The following AFF4 variants were observed in gnomAD, a reference collection of about 807,000 sequenced individuals.
AFF4 encodes the protein AF4/FMR2 family member 4.
A neutral mutation model predicts 124.8 loss-of-function variants in AFF4; 13 were observed. That is an observed-to-expected ratio of 0.10 (90% CI 0.07 to 0.17). The LOEUF is 0.17. Among genes scored for constraint, AFF4 ranks in the 10% least tolerant of loss-of-function variants. AFF4 has a pLI of 1.00. For synonymous variants in AFF4, 477 were observed against 496.1 expected (o/e 0.96, Z 0.51); for missense variants, 1,092 against 1,403.8 (o/e 0.78, Z 3.55).
intron 1 of AFF4, among the ~76,000 whole-genome samples, chr5:132,957,243 A>G (rs1336104881): frequency 6.6e-6 from 1 of 150,896 alleles, no homozygotes; most frequent in Non-Finnish European, 1.5e-5. Context: ...TGGAAGGCTG[A>G]GGCAGGAGGA....
At position 132,879,029 on chromosome 5, in the gene AFF4, GT is replaced by G. The variant is rs1348349520; in HGVS notation, c.*2029del. On this transcript the variant is annotated 3_prime_UTR_variant, in exon 21 of 21. Transcript: ENST00000265343. ...AAATAACTATCATGATCATTGAGAA[GT>G]TGTCCTCTTATGGAAAACTGTTCCT... The G allele has an allele frequency of 1.3e-5, 3 of 222,492 alleles. No individual in the cohort carries two copies. Among genetic ancestry groups the G allele is most frequent in the South Asian group, 1.8e-4 (1 of 5,458 alleles). 13.8% of individuals were successfully genotyped at this position (222,492 alleles called of 1,614,324 possible). A position where few individuals can be genotyped will look rare whatever the true frequency, so the allele number is the denominator to read the frequency against.
chr5:132,955,647 G>A lies in AFF4; in HGVS notation c.-5+7612C>T, dbSNP rs767588264. ...ACAAAAAGTAGCCGGGCGTGGTGGC[G>A]GGCGCCTGTAATCCCAGCTACTCAA... On this transcript the variant is annotated intron_variant, in intron 1 of 20. Transcript: ENST00000265343. Among the ~76,000 whole-genome samples, 26 of 151,294 alleles carry A rather than the reference G, an allele frequency of 1.7e-4. No individual in the cohort carries two copies. In the Middle Eastern group the frequency reaches 0.01, roughly 60 times the overall value.
chr5:132,919,210 A>G (rs769734740), intron 5 of AFF4, among the ~76,000 whole-genome samples: 5 of 152,184 alleles, frequency 3.3e-5, no homozygotes, highest in Non-Finnish European at 5.9e-5. Flanking sequence ...AAATGCAAAG[A>G]GCCTAGAAAA....
At chr5:132,921,126 CAAAAAA>C (rs57115662) in intron 5 of AFF4, among the ~76,000 whole-genome samples, 1 of 87,610 alleles carries the variant, frequency 1.1e-5, no homozygotes, top group African/African-American at 4.7e-5. Context: ...GACTCTGTCA[CAAAAAA>C]AAAAAAAAAA....
rs750786793 is a variant in AFF4, at chr5:132,881,014, C to T, written c.*45G>A. On this transcript the variant is annotated 3_prime_UTR_variant, in exon 21 of 21. Coordinates refer to ENST00000265343, the MANE Select transcript of AFF4 (RefSeq NM_014423.4). ...ATGGCAGTTTTCCTTCGTGATGTGA[C>T]ACAGTGTTGTGGAGAAAATCAGAGG... 4.9e-5 allele frequency: 78 copies of T among 1,594,510 alleles called. No homozygotes were observed. Among genetic ancestry groups the T allele is most frequent in the Non-Finnish European group, 6.7e-5 (78 of 1,171,718 alleles).
At chr5:132,907,305 C>A (rs1376653088) in intron 5 of AFF4, among the ~76,000 whole-genome samples, 1 of 152,158 alleles carries the variant, frequency 6.6e-6, no homozygotes, top group Non-Finnish European at 1.5e-5. Context: ...TGCGTCATCA[C>A]TGCTCTCCTA....
At chr5:132,921,076 G>A (rs903954084) in intron 5 of AFF4, among the ~76,000 whole-genome samples, 3 of 149,990 alleles carry the variant, frequency 2.0e-5, no homozygotes, top group African/African-American at 4.9e-5. Context: ...GCAGTGAGCC[G>A]AGATCGCGCC....
At position 132,877,388 on chromosome 5, in the gene AFF4, C is replaced by T. The variant is rs1581261828; in HGVS notation, c.*3671G>A. 4.6e-6 allele frequency: 1 copy of T among 216,876 alleles called. No individual in the cohort carries two copies. Among genetic ancestry groups the T allele is most frequent in the East Asian group, 6.9e-5 (1 of 14,428 alleles). 13.4% of individuals were successfully genotyped at this position (216,876 alleles called of 1,614,324 possible). A position where few individuals can be genotyped will look rare whatever the true frequency, so the allele number is the denominator to read the frequency against. On this transcript the variant is annotated 3_prime_UTR_variant, in exon 21 of 21. Transcript: ENST00000265343. ...CAATCTAAAGGAATACACATTGCAC[C>T]CTTGAACATTAATATTCAAGGTGTC... is the stretch of plus-strand genomic sequence containing the variant.
At chr5:132,956,732 T>C (rs1368931568) in intron 1 of AFF4, among the ~76,000 whole-genome samples, 1 of 151,264 alleles carries the variant, frequency 6.6e-6, no homozygotes, top group Non-Finnish European at 1.5e-5. Context: ...TTTAAAAATG[T>C]AAACATGGGC....
intron 17 of AFF4, among the ~76,000 whole-genome samples, 195 bp downstream of exon 17, chr5:132,887,326 A>G (rs1176436736): frequency 1.3e-5 from 2 of 152,220 alleles, no homozygotes; most frequent in South Asian, 2.1e-4. Context: ...TCAAGAGGGA[A>G]ATGGATCAGA....
intron 5 of AFF4, among the ~76,000 whole-genome samples, chr5:132,910,246 T>G (rs1186665915): frequency 6.6e-6 from 1 of 152,172 alleles, no homozygotes; most frequent in East Asian, 1.9e-4. Context: ...TGTTTTTAAA[T>G]GGGACCAATT....
intron 15 of AFF4, 28 bp downstream of exon 15, chr5:132,888,069 C>T (rs554470548): frequency 8.7e-6 from 14 of 1,606,714 alleles, no homozygotes; most frequent in Admixed American, 1.7e-5. Flanking sequence ...TGATTAAATA[C>T]GTAAGTGTAA....
Position 132,887,390 on chromosome 5 carries a change from A to G in AFF4, c.3005+131T>C, listed in dbSNP as rs188409590. ...GGAATTTTGAGTTACTTCCTGCTTG[A>G]CCCATCAGGAACAGATTTAAGACAG... On this transcript the variant is annotated intron_variant, in intron 17 of 20. Coordinates refer to ENST00000265343, the MANE Select transcript of AFF4 (RefSeq NM_014423.4). The G allele has an allele frequency of 2.1e-5, 16 of 779,520 alleles. No individual in the cohort carries two copies. The East Asian group carries it at 4.2e-4, about 21-fold the overall frequency. The allele number at this position is 779,520 out of a possible 1,614,324, so 48.3% of individuals were successfully genotyped here.
At chr5:132,959,554 T>C (rs1762034247) in intron 1 of AFF4, among the ~76,000 whole-genome samples, 1 of 152,152 alleles carries the variant, frequency 6.6e-6, no homozygotes, top group East Asian at 1.9e-4. Flanking sequence ...GAGGTTCTAA[T>C]ATTTTCTGTG....
At position 132,892,358 on chromosome 5, in the gene AFF4, G is replaced by C. The variant is rs1171219741; in HGVS notation, c.2443C>G (p.Pro815Ala). 6.2e-7 allele frequency: 1 copy of C among 1,613,776 alleles called. No homozygotes were observed. Among genetic ancestry groups the C allele is most frequent in the Non-Finnish European group, 8.5e-7 (1 of 1,179,860 alleles). ...TCTTTTGAAGGAACAGGCCCAGCGG[G>C]AGAAGGCAACAAATCCTTTTCTTTT... ...AAKEKDLLPS[P>A]AGPVPSKDPK... Residue 815 changes from proline (P) to alanine (A), a missense_variant, in exon 13 of 21, where the codon CCC (proline) becomes GCC (alanine). Coordinates refer to ENST00000265343, the MANE Select transcript of AFF4 (RefSeq NM_014423.4).
chr5:132,941,322 GTTTCT>G (rs1034829469), intron 1 of AFF4, among the ~76,000 whole-genome samples: 9 of 151,586 alleles, frequency 5.9e-5, no homozygotes, highest in Non-Finnish European at 7.4e-5. Context: ...AACAAGCTCA[GTTTCT>G]TTTCTTTTCT....
At chr5:132,883,914 C>A (rs573093362) in intron 19 of AFF4, among the ~76,000 whole-genome samples, 1 of 152,306 alleles carries the variant, frequency 6.6e-6, no homozygotes, top group African/African-American at 2.4e-5. Context: ...ATTTTTTATA[C>A]TGTTTTGTAG....
rs575894926 is a variant in AFF4 at position 132,943,310 on chromosome 5, C to T, written c.-4-6117G>A. 3.8e-4 allele frequency: 77 copies of T among 201,748 alleles called. 1 individual carries two copies. The highest frequency in any genetic ancestry group is 9.2e-4 in the Admixed American group (20 of 21,788). 12.5% of individuals were successfully genotyped at this position (201,748 alleles called of 1,614,324 possible). ...CTTACAATAAGAAAGTTGGCCACAA[C>T]CCCAACACAGTAGCATTTGTGCCAA... On this transcript the variant is annotated intron_variant, in intron 1 of 20. Coordinates refer to ENST00000265343, the MANE Select transcript of AFF4 (RefSeq NM_014423.4).
chr5:132,893,189 C>A (rs1162603357), intron 11 of AFF4, 71 bp from the exon 12 acceptor site: 2 of 1,234,084 alleles, frequency 1.6e-6, no homozygotes, highest in Non-Finnish European at 2.4e-6. Flanking sequence ...TAGCTACCCA[C>A]AAAGAGTTTA....
Sources: allele counts gnomAD v4.1 joint callset (sites outside exome capture counted in the v4.1 genomes callset), GRCh38; gene constraint gnomAD v4.1.1; transcripts MANE v1.5; gene names NCBI Gene and HGNC (gene_info 2026-07-23, HGNC 2026-07-21).